Variants in DYNC2H1 observed in about 807,000 individuals in gnomAD.
DYNC2H1 encodes cytoplasmic dynein 2 heavy chain 1.
A neutral mutation model predicts 570.0 loss-of-function variants in DYNC2H1; 410 were observed. That is an observed-to-expected ratio of 0.72 (90% confidence interval 0.66 to 0.78). DYNC2H1 has a LOEUF of 0.78. Ranked by LOEUF, DYNC2H1 falls within the 30% of genes least tolerant of loss-of-function variation. The pLI is 0.00. For missense variants in DYNC2H1, 4,865 were observed against 5,046.4 expected (o/e 0.96, Z 1.09); for synonymous variants, 1,688 against 1,677.6 (o/e 1.01, Z -0.15).
rs1862711903 is a variant in DYNC2H1 at position 103,201,338 on chromosome 11, G to A, written c.8197+1184G>A. Reference sequence around the variant, plus strand: ...GATATTTATTGTTTTATGTTTTCAAGATTTCTATGGTTTGAAAATCATTAC... The same window carrying A: ...GATATTTATTGTTTTATGTTTTCAAAATTTCTATGGTTTGAAAATCATTAC... On this transcript the variant is annotated intron_variant, in intron 50 of 88. Coordinates refer to ENST00000375735, the MANE Select transcript of DYNC2H1 (RefSeq NM_001377.3). The surrounding 1 kb of genome is among the most constrained non-coding windows in gnomAD (Gnocchi z 4.8). Among the ~76,000 whole-genome samples, 1 of 151,974 alleles carries A rather than the reference G, an allele frequency of 6.6e-6. No homozygotes were observed. Among genetic ancestry groups the A allele is most frequent in the Non-Finnish European group, 1.5e-5 (1 of 67,988 alleles).
At chr11:103,418,654 T>C (rs1051218741) in intron 84 of DYNC2H1, among the ~76,000 whole-genome samples, 3 of 152,140 alleles carry the variant, frequency 2.0e-5, no homozygotes, top group South Asian at 2.1e-4. Flanking sequence ...TGTTCTCGCA[T>C]TGGAAATGAC....
intron 31 of DYNC2H1, 53 bp from the exon 32 acceptor site, chr11:103,168,702 T>A: frequency 3.9e-6 from 6 of 1,553,810 alleles, no homozygotes; most frequent in Non-Finnish European, 5.3e-6. Flanking sequence ...ATAAATTATA[T>A]AAATCACAGG....
intron 18 of DYNC2H1, among the ~76,000 whole-genome samples, chr11:103,144,912 G>C (rs1860158661): frequency 6.6e-6 from 1 of 151,252 alleles, no homozygotes; most frequent in African/African-American, 2.4e-5. Context: ...ACAGAGTCTT[G>C]CTGTGTCACC....
At chr11:103,372,323 T>A (rs1003475070) in intron 83 of DYNC2H1, among the ~76,000 whole-genome samples, 11 of 152,140 alleles carry the variant, frequency 7.2e-5, no homozygotes, top group African/African-American at 2.4e-5. Context: ...CCAGCCTTTA[T>A]CTCGTTCTTG....
intron 47 of DYNC2H1, 129 bp downstream of exon 47, chr11:103,192,393 T>G: frequency 1.6e-6 from 1 of 639,442 alleles, no homozygotes; most frequent in Non-Finnish European, 2.3e-6. Flanking sequence ...TATTTTTCCG[T>G]AAGGTACAGC....
chr11:103,459,632 A>G (rs1421730477), intron 87 of DYNC2H1, among the ~76,000 whole-genome samples: 1 of 152,060 alleles, frequency 6.6e-6, no homozygotes, highest in Non-Finnish European at 1.5e-5. Flanking sequence ...TTTTGGCTCT[A>G]TAGACTGCCA....
chr11:103,259,851 A>G, intron 69 of DYNC2H1, 37 bp from the exon 70 acceptor site: 3 of 1,369,496 alleles, frequency 2.2e-6, no homozygotes, highest in Non-Finnish European at 3.0e-6. Flanking sequence ...TTAAATGTTT[A>G]TAAATTTCCT....
rs786204078 is a variant in DYNC2H1 at position 103,156,638 on chromosome 11, T to G, written c.3995T>G (p.Leu1332Arg). The change falls in exon 26 of 89, where the codon CTT becomes CGT. Residue 1332 changes from leucine to arginine, a missense_variant. Coordinates refer to ENST00000375735, the MANE Select transcript of DYNC2H1 (RefSeq NM_001377.3). ...AAAGTATCAATTTGGGAAAGAAAAC[T>G]TGCAGAGTTAGATGAATACCTGCAG... Reference protein sequence around the residue: ...EDKVSIWERKLAELDEYLQNL... With the variant: ...EDKVSIWERKRAELDEYLQNL... 1.2e-6 allele frequency: 2 copies of G among 1,613,570 alleles called. No homozygotes were observed. Among genetic ancestry groups the G allele is most frequent in the Non-Finnish European group, 1.7e-6 (2 of 1,179,674 alleles).
At chr11:103,202,294 A>ATTTT (rs10635156) in intron 50 of DYNC2H1, among the ~76,000 whole-genome samples, 20,364 of 132,224 alleles carry the variant, frequency 0.15, 2,009 homozygotes, top group East Asian at 0.22. Context: ...AGAAACACAG[A>ATTTT]TTTTTTTTTT....
Position 103,185,020 on chromosome 11 carries a change from A to G in DYNC2H1, c.6602A>G (p.Asn2201Ser), listed in dbSNP as rs1384026998. ...ATAAGGGGACTTGGTGGAAATCTGAATATGAAGTCACGTTTGGAATTTACC... is the reference window on the plus strand; with the variant it reads ...ATAAGGGGACTTGGTGGAAATCTGAGTATGAAGTCACGTTTGGAATTTACC... ...NLIRGLGGNL[N>S]MKSRLEFTKE... The change falls in exon 41 of 89, where the codon AAT becomes AGT. Residue 2201 changes from asparagine (N) to serine (S), a missense_variant. This residue lies in a region of DYNC2H1 where 231 missense variants were observed against 310.3 expected (regional missense o/e 0.74). Transcript: ENST00000375735. This position sits in a 1 kb window ranked among gnomAD's most constrained non-coding sequence, Gnocchi z 4.5. 12 of 1,609,754 alleles carry G rather than the reference A, an allele frequency of 7.5e-6. 1 individual carries two copies. In the Middle Eastern group the frequency reaches 8.3e-4, roughly 111 times the overall value.
In DYNC2H1 at chr11:103,241,453, A is replaced by G. The variant is rs897023717; in HGVS notation, c.9820-2240A>G. 2.9e-6 allele frequency: 4 copies of G among 1,394,466 alleles called. No individual in the cohort carries two copies. Among genetic ancestry groups the G allele is most frequent in the Non-Finnish European group, 4.0e-6 (4 of 1,003,708 alleles). The allele number at this position is 1,394,466 out of a possible 1,614,324, so 86.4% of individuals were successfully genotyped here. A position where few individuals can be genotyped will look rare whatever the true frequency, so the allele number is the denominator to read the frequency against. ...CAACAAACTTTTAAGTACCCTTTGA[A>G]AAACTTAAGCATGTTTTCTTTGCTA... On this transcript the variant is annotated intron_variant, in intron 63 of 88. Transcript: ENST00000375735. The surrounding 1 kb of genome is among the most constrained non-coding windows in gnomAD (Gnocchi z 5.1).
intron 84 of DYNC2H1, among the ~76,000 whole-genome samples, chr11:103,412,431 C>A (rs1943125704): frequency 6.6e-6 from 1 of 152,092 alleles, no homozygotes; most frequent in Admixed American, 6.6e-5. Flanking sequence ...GACTTTAAAA[C>A]ATAATTTAAA....
chr11:103,317,508 A>G (rs1937921351), intron 80 of DYNC2H1, among the ~76,000 whole-genome samples: 1 of 152,102 alleles, frequency 6.6e-6, no homozygotes, highest in Non-Finnish European at 1.5e-5. Flanking sequence ...CTTCCACTTT[A>G]GCACCCTTGC....
At chr11:103,144,443 C>T (rs1409235205) in intron 18 of DYNC2H1, among the ~76,000 whole-genome samples, 1 of 152,158 alleles carries the variant, frequency 6.6e-6, no homozygotes, top group African/African-American at 2.4e-5. Flanking sequence ...ATGACATCCC[C>T]TCTGTCTGGG....
intron 63 of DYNC2H1, among the ~76,000 whole-genome samples, chr11:103,238,212 A>G (rs2135207290): frequency 6.6e-6 from 1 of 152,268 alleles, no homozygotes; most frequent in South Asian, 2.1e-4. Context: ...GCTTCTGGGA[A>G]AAGATGGCTA....
rs140294172 is a variant in DYNC2H1, at chr11:103,436,197, ATTT to A, written c.12456+179_12456+181del. 0.53 allele frequency among the ~76,000 whole-genome samples: 77,020 copies of A among 145,042 alleles called. 20,349 individuals are homozygous for A. Among genetic ancestry groups the A allele is most frequent in the East Asian group, 0.7 (3,504 of 4,980 alleles). ...TGTTATTTTTGTATAGCACTGTTCT[ATTT>A]TTTTTTTTTTTTTACAAAATGTGCT... On this transcript the variant is annotated intron_variant, in intron 85 of 88. Coordinates refer to ENST00000375735, the MANE Select transcript of DYNC2H1 (RefSeq NM_001377.3).
chr11:103,147,749 A>G (rs750607850), intron 18 of DYNC2H1, 23 bp from the exon 19 acceptor site: 20 of 1,440,578 alleles, frequency 1.4e-5, no homozygotes, highest in Admixed American at 1.1e-4. Context: ...CCATGTCAAA[A>G]TATGTCCATT....
chr11:103,442,735 C>A (rs933772638), intron 85 of DYNC2H1, among the ~76,000 whole-genome samples: 1 of 152,078 alleles, frequency 6.6e-6, no homozygotes, highest in African/African-American at 2.4e-5. Context: ...TGCATTGCAC[C>A]TTTCATCACA....
intron 84 of DYNC2H1, chr11:103,407,692 A>G (rs1343107697): frequency 1.3e-5 from 2 of 151,936 alleles, no homozygotes; most frequent in Non-Finnish European, 2.9e-5. Flanking sequence ...ATTTATTACG[A>G]TAATATTCAT....
Sources: allele counts gnomAD v4.1 joint callset (sites outside exome capture counted in the v4.1 genomes callset), GRCh38; gene constraint gnomAD v4.1.1; regional missense constraint gnomAD v4.1.1; non-coding constraint Gnocchi (gnomAD v3.1); transcripts MANE v1.5; gene names NCBI Gene and HGNC (gene_info 2026-07-23, HGNC 2026-07-21).